KIF1A: variants seen among roughly 807,000 people sequenced by gnomAD.
The protein encoded by KIF1A is kinesin-like protein KIF1A.
In KIF1A, 46 loss-of-function variants were observed where a neutral mutation model predicts 227.3. The ratio of observed to expected loss-of-function variants is 0.20; its 90% CI spans 0.16 to 0.26. The LOEUF is 0.26. Among genes scored for constraint, KIF1A ranks in the 10% least tolerant of loss-of-function variants. The pLI is 1.00. For missense variants in KIF1A, 1,683 were observed against 2,485.9 expected (o/e 0.68, Z 6.87); for synonymous variants, 1,022 against 1,012.8 (o/e 1.01, Z -0.17).
intron 10 of KIF1A, among the ~76,000 whole-genome samples, chr2:240,780,770 C>CCACACACACACACACA (rs113684618): frequency 1.4e-5 from 1 of 71,504 alleles, no homozygotes; most frequent in African/African-American, 7.5e-5. Context: ...CCACACAGCT[C>CCACACACACACACACA]CACACACACA....
Position 240,758,562 on chromosome 2 carries a change from C to G in KIF1A, c.2445-65G>C. The G allele has an allele frequency of 1.4e-6, 2 of 1,449,054 alleles. No homozygotes were observed. Among genetic ancestry groups the G allele is most frequent in the South Asian group, 1.5e-5 (1 of 67,784 alleles). 89.8% of individuals were successfully genotyped at this position (1,449,054 alleles called of 1,614,324 possible). On this transcript the variant is annotated intron_variant, in intron 25 of 48. Coordinates refer to ENST00000498729, the MANE Select transcript of KIF1A (RefSeq NM_001244008.2). The surrounding 1 kb of genome is among the most constrained non-coding windows in gnomAD (Gnocchi z 5.2). ...CGCTCAGCAGCTGGCACCGCACACCCTTATCTCCTGGGGACAGTGGGCTCA... is the reference window on the plus strand; with the variant it reads ...CGCTCAGCAGCTGGCACCGCACACCGTTATCTCCTGGGGACAGTGGGCTCA...
Position 240,763,158 on chromosome 2 carries a change from C to T in KIF1A, c.1949+8G>A, listed in dbSNP as rs781310930. ...GCAGCAGGCAGTTGGGGGTGGCCTC[C>T]GCCTCACCTCTGCTCCATCTCCTGC... On this transcript the variant is annotated splice_region_variant and intron_variant, in intron 21 of 48. Transcript: ENST00000498729. The T allele has an allele frequency of 5.0e-6, 8 of 1,608,296 alleles. No homozygotes were observed. The highest frequency in any genetic ancestry group is 2.2e-5 in the South Asian group (2 of 90,776).
At chr2:240,812,878 CG>C (rs2058006345) in intron 1 of KIF1A, among the ~76,000 whole-genome samples, 5 of 148,088 alleles carry the variant, frequency 3.4e-5, no homozygotes, top group Non-Finnish European at 3.0e-5. Context: ...AGCCTTCACT[CG>C]GGGATCCGCC....
At position 240,795,999 on chromosome 2, in the gene KIF1A, C is replaced by A. The variant is rs537617916; in HGVS notation, c.106+1648G>T. On this transcript the variant is annotated intron_variant, in intron 2 of 48. Transcript: ENST00000498729. ...AAGACTGAGGTGGCAATTGTGCTGC[C>A]GGCACCCAGTGGGGGATGGAAGGGG... Among the ~76,000 whole-genome samples the A allele has an allele frequency of 2.0e-5, 3 of 152,322 alleles. No homozygotes were observed. The South Asian group carries it at 6.2e-4, about 32-fold the overall frequency.
At chr2:240,813,107 C>G (rs879477274) in intron 1 of KIF1A, among the ~76,000 whole-genome samples, 1 of 152,162 alleles carries the variant, frequency 6.6e-6, no homozygotes, top group Non-Finnish European at 1.5e-5. Context: ...AACAAAGCAT[C>G]GGCATGGGCC....
chr2:240,750,163 G>A (rs1218822436), intron 28 of KIF1A, among the ~76,000 whole-genome samples: 2 of 152,246 alleles, frequency 1.3e-5, no homozygotes, highest in African/African-American at 4.8e-5. Flanking sequence ...AGCTGACCCT[G>A]GGGAGTCCAG....
At chr2:240,796,021 G>A (rs1283978754) in intron 2 of KIF1A, among the ~76,000 whole-genome samples, 1 of 152,216 alleles carries the variant, frequency 6.6e-6, no homozygotes, top group Non-Finnish European at 1.5e-5. Context: ...GGGGATGGAA[G>A]GGGATTCACA....
intron 1 of KIF1A, among the ~76,000 whole-genome samples, chr2:240,805,227 A>C (rs1341181961): frequency 2.0e-5 from 3 of 152,152 alleles, no homozygotes; most frequent in Non-Finnish European, 4.4e-5. Context: ...CAGCGACTTC[A>C]GATATTAAAA....
chr2:240,794,593 C>T (rs992831767), intron 2 of KIF1A, among the ~76,000 whole-genome samples: 8 of 152,252 alleles, frequency 5.3e-5, no homozygotes, highest in East Asian at 1.9e-4. Flanking sequence ...TCCCAGCTGG[C>T]GGGCATTTGG....
intron 1 of KIF1A, among the ~76,000 whole-genome samples, chr2:240,798,690 G>A (rs1384436102): frequency 3.9e-5 from 6 of 152,196 alleles, no homozygotes; most frequent in Non-Finnish European, 8.8e-5. Context: ...CACTGTGAAA[G>A]GTCTTTCCGG....
In KIF1A at chr2:240,793,930, C is replaced by T. The variant is rs1038344491; in HGVS notation, c.106+3717G>A. Among the ~76,000 whole-genome samples, 9 of 152,274 alleles carry T rather than the reference C, an allele frequency of 5.9e-5. No individual in the cohort carries two copies. The highest frequency in any genetic ancestry group is 4.6e-4 in the Admixed American group (7 of 15,300). On this transcript the variant is annotated intron_variant, in intron 2 of 48. Transcript: ENST00000498729. This position sits in a 1 kb window ranked among gnomAD's most constrained non-coding sequence, Gnocchi z 4.8. ...GCCCCGCACAGTCCCCGCCATCTTC[C>T]GAGGGGCCTGGCACACCAGCCAGGG...
intron 10 of KIF1A, among the ~76,000 whole-genome samples, chr2:240,776,899 G>A (rs116244617): frequency 0.016 from 2,462 of 152,328 alleles, 60 homozygotes; most frequent in African/African-American, 0.055. Context: ...GTCAAAGGGG[G>A]TCCAGAATAC....
intron 38 of KIF1A, among the ~76,000 whole-genome samples, chr2:240,727,970 C>T (rs1042812709): frequency 6.6e-5 from 10 of 152,172 alleles, no homozygotes; most frequent in African/African-American, 1.9e-4. Context: ...CTGAGCAGCA[C>T]GTTCAGCTCG....
At chr2:240,750,158 A>G (rs2049046759) in intron 28 of KIF1A, among the ~76,000 whole-genome samples, 1 of 152,160 alleles carries the variant, frequency 6.6e-6, no homozygotes, top group Non-Finnish European at 1.5e-5. Context: ...CCTCCAGCTG[A>G]CCCTGGGGAG....
rs1471405031 is a variant in KIF1A at position 240,757,111 on chromosome 2, C to T, written c.2858+208G>A. Among the ~76,000 whole-genome samples, 1 of 152,218 alleles carries T rather than the reference C, an allele frequency of 6.6e-6. No individual in the cohort carries two copies. The highest frequency in any genetic ancestry group is 1.5e-5 in the Non-Finnish European group (1 of 68,026). Reference sequence around the variant, plus strand: ...CTCTTCCCTGCCGGCCCAAAGCGACCGTCTCCAGGATGGGTGAGCAGCCCC... The same window carrying T: ...CTCTTCCCTGCCGGCCCAAAGCGACTGTCTCCAGGATGGGTGAGCAGCCCC... On this transcript the variant is annotated intron_variant, in intron 27 of 48. Transcript: ENST00000498729. This position sits in a 1 kb window ranked among gnomAD's most constrained non-coding sequence, Gnocchi z 6.2.
Position 240,745,723 on chromosome 2 carries a change from G to A in KIF1A, c.3374+15C>T, listed in dbSNP as rs560192389. 3 of 1,609,582 alleles carry A rather than the reference G, an allele frequency of 1.9e-6. No homozygotes were observed. Among genetic ancestry groups the A allele is most frequent in the Admixed American group, 3.4e-5 (2 of 59,532 alleles). ...CCCTGCGCAGCGCAGGGACACAAAG[G>A]CAGCAGGGCCTCACTTGAACTGGCA... On this transcript the variant is annotated intron_variant, in intron 31 of 48. Coordinates refer to ENST00000498729, the MANE Select transcript of KIF1A (RefSeq NM_001244008.2).
chr2:240,760,789 C>T lies in KIF1A; in HGVS notation c.2320G>A (p.Asp774Asn), dbSNP rs745722085. 5 of 1,604,784 alleles carry T rather than the reference C, an allele frequency of 3.1e-6. No individual in the cohort carries two copies. The highest frequency in any genetic ancestry group is 1.1e-5 in the South Asian group (1 of 89,406). Residue 774 changes from aspartate to asparagine, a missense_variant, in exon 25 of 49, where the codon GAC (aspartate) becomes AAC (asparagine). Transcript: ENST00000498729. ...TDTLYSPLPP[D>N]LLPPEAAKDR... is the part of the protein sequence containing the mutation. Reference sequence around the variant, plus strand: ...TTGGCGGCCTCTGGGGGCAGCAGGTCGGGTGGCAGAGGGGAGTAGAGTGTG... The same window carrying T: ...TTGGCGGCCTCTGGGGGCAGCAGGTTGGGTGGCAGAGGGGAGTAGAGTGTG...
In KIF1A at chr2:240,766,576, T is replaced by C. The variant is rs1303047769; in HGVS notation, c.1684+339A>G. Among the ~76,000 whole-genome samples, 1 of 152,138 alleles carries C rather than the reference T, an allele frequency of 6.6e-6. No individual in the cohort carries two copies. On this transcript the variant is annotated intron_variant, in intron 19 of 48. Coordinates refer to ENST00000498729, the MANE Select transcript of KIF1A (RefSeq NM_001244008.2). The surrounding 1 kb of genome is among the most constrained non-coding windows in gnomAD (Gnocchi z 5.0). The stretch of plus-strand genomic sequence containing the variant: ...CGCTTCCCGGCCAGCAGCCCACCTG[T>C]GCCCCCACCTCCAGCCCTCAAGGAG...
intron 20 of KIF1A, among the ~76,000 whole-genome samples, chr2:240,765,150 C>T (rs2051009092): frequency 6.6e-6 from 1 of 152,258 alleles, no homozygotes; most frequent in African/African-American, 2.4e-5. Context: ...AATAGTCACA[C>T]ACCACTCAAG....
Sources: gnomAD v4.1 joint callset for allele counts (sites outside exome capture counted in the v4.1 genomes callset) on GRCh38, gnomAD v4.1.1 for gene constraint, Gnocchi (gnomAD v3.1) non-coding constraint, MANE v1.5 for transcripts, NCBI Gene and HGNC (gene_info 2026-07-23, HGNC 2026-07-21) for gene names.